DMD: variants seen among roughly 807,000 people sequenced by gnomAD.
DMD encodes the protein dystrophin, also known as mutant dystrophin.
In DMD, 63 loss-of-function variants were observed where a neutral mutation model predicts 330.1. That is an observed-to-expected ratio of 0.19 (90% CI 0.16 to 0.24). The LOEUF (loss-of-function observed/expected upper bound fraction) is 0.24, where lower values mean the gene tolerates loss of function less well. Among genes scored for constraint, DMD ranks in the 10% least tolerant of loss-of-function variants. The probability of loss-of-function intolerance (pLI) is 1.00; values close to 1 mark genes in which losing one functional copy is unlikely to be tolerated. For missense variants in DMD, 3,344 were observed against 2,684.1 expected (o/e 1.25, Z -5.43); for synonymous variants, 1,223 against 959.8 (o/e 1.27, Z -5.07).
chrX:32,776,645 G>A (rs763044805), intron 7 of DMD, among the ~76,000 whole-genome samples: 28 of 110,994 alleles, frequency 2.5e-4, no homozygotes, highest in African/African-American at 8.2e-4. Flanking sequence ...GGGGACAACC[G>A]CCTCCCTGAT....
At position 31,341,619 on chromosome X, in the gene DMD, G is replaced by A. The variant is rs139675124; in HGVS notation, c.9163+6937C>T. On this transcript the variant is annotated intron_variant, in intron 61 of 78. Transcript: ENST00000357033. ...GAATAATCGTTGGCAATAGCAGATA[G>A]ACTAGACAGTTATTGGCCTGGGCAT... is the stretch of plus-strand genomic sequence containing the variant. Among the ~76,000 whole-genome samples the A allele has an allele frequency of 2.2e-4, 24 of 111,423 alleles. 1 individual carries two copies. The East Asian group carries it at 6.8e-3, about 31-fold the overall frequency.
Position 31,178,662 on chromosome X carries a change from T to A in DMD, c.10223+7A>T. 2 of 1,204,174 alleles carry A rather than the reference T, an allele frequency of 1.7e-6. No homozygotes were observed. Among genetic ancestry groups the A allele is most frequent in the Non-Finnish European group, 2.2e-6 (2 of 889,305 alleles). ...CAAGAGTGTGTTCTGCTTTTGCTAC[T>A]ACTCACGTTTCCATGTTGTCCCCCT... On this transcript the variant is annotated splice_region_variant and intron_variant, in intron 70 of 78. Transcript: ENST00000357033.
At chrX:32,737,581 T>A (rs1363776420) in intron 7 of DMD, among the ~76,000 whole-genome samples, 2 of 111,558 alleles carry the variant, frequency 1.8e-5, no homozygotes, top group African/African-American at 6.5e-5. Flanking sequence ...TAGATAAAAC[T>A]GAATGATGCA....
intron 44 of DMD, among the ~76,000 whole-genome samples, chrX:32,199,780 T>TTGTGTGTGTGTGTGTGTGTG (rs35897988): frequency 3.0e-4 from 25 of 84,136 alleles, no homozygotes; most frequent in African/African-American, 8.0e-4. Flanking sequence ...CGCAAGGCTT[T>TTGTGTGTGTGTGTGTGTGTG]TGTGTGTGTG....
intron 47 of DMD, among the ~76,000 whole-genome samples, chrX:31,888,536 A>G (rs1300041004): frequency 3.6e-5 from 4 of 112,139 alleles, no homozygotes; most frequent in African/African-American, 1.3e-4. Context: ...TTTGGATAAA[A>G]TGCACGTAGT....
At chrX:32,430,426 C>G (rs1287039452) in intron 29 of DMD, among the ~76,000 whole-genome samples, 2 of 111,640 alleles carry the variant, frequency 1.8e-5, no homozygotes, top group Non-Finnish European at 1.9e-5. Flanking sequence ...TACAAGAAAG[C>G]TGTATATAAT....
intron 44 of DMD, among the ~76,000 whole-genome samples, chrX:32,054,916 C>T (rs1389364272): frequency 9.5e-6 from 1 of 105,298 alleles, no homozygotes; most frequent in African/African-American, 3.5e-5. Flanking sequence ...GATCAAAGGA[C>T]AAAGAAAATA....
At chrX:32,683,744 G>A (rs187368089) in intron 9 of DMD, among the ~76,000 whole-genome samples, 1 of 105,509 alleles carries the variant, frequency 9.5e-6, no homozygotes, top group Admixed American at 1.0e-4. Flanking sequence ...GTATACATAT[G>A]TAACTAACCT....
chrX:31,287,449 G>A (rs762100709), intron 62 of DMD, among the ~76,000 whole-genome samples: 24 of 112,416 alleles, frequency 2.1e-4, no homozygotes, highest in South Asian at 3.7e-4. Context: ...AAAGTAGCAC[G>A]CGTTAGCACA....
intron 11 of DMD, among the ~76,000 whole-genome samples, chrX:32,636,922 C>T (rs770192601): frequency 1.8e-5 from 2 of 109,476 alleles, no homozygotes; most frequent in Non-Finnish European, 3.8e-5. Flanking sequence ...GGCGTGAACC[C>T]GGGGGGCGGA....
chrX:32,075,676 A>G (rs1190949935), intron 44 of DMD, among the ~76,000 whole-genome samples: 5 of 110,878 alleles, frequency 4.5e-5, no homozygotes, highest in African/African-American at 1.6e-4. Flanking sequence ...AATGTTTTTG[A>G]GATTCTACAT....
intron 13 of DMD, among the ~76,000 whole-genome samples, chrX:32,592,318 C>A (rs778583352): frequency 9.0e-6 from 1 of 110,632 alleles, no homozygotes; most frequent in East Asian, 2.9e-4. Flanking sequence ...TAGAATGTAC[C>A]TCCTCCCTTC....
chrX:32,209,856 G>A (rs2097086832), intron 44 of DMD, among the ~76,000 whole-genome samples: 1 of 111,446 alleles, frequency 9.0e-6, no homozygotes, highest in South Asian at 3.8e-4. Context: ...CTGGACAACG[G>A]AAGTCTAATA....
chrX:32,906,761 G>C (rs757852649), intron 2 of DMD, among the ~76,000 whole-genome samples: 20 of 111,569 alleles, frequency 1.8e-4, no homozygotes, highest in Non-Finnish European at 3.6e-4. Flanking sequence ...CTACATGAGA[G>C]AGAGCAGTTA....
chrX:31,530,647 C>CTTTTTTTTTTTTTTTTT (rs1192286078), intron 55 of DMD, among the ~76,000 whole-genome samples: 4 of 49,812 alleles, frequency 8.0e-5, no homozygotes, highest in Admixed American at 2.6e-4. Flanking sequence ...ACTGGTTTCT[C>CTTTTTTTTTTTTTTTTT]TTTTTTTTTT....
chrX:33,060,235 AG>A lies in DMD; in HGVS notation c.32-40036del, dbSNP rs1449496650. Among the ~76,000 whole-genome samples, 15 of 111,097 alleles carry A rather than the reference AG, an allele frequency of 1.4e-4. No homozygotes were observed. In the Admixed American group the frequency reaches 1.4e-3, roughly 11 times the overall value. ...GGGGTCAGTGGATGGAAAATTATTA[AG>A]AGGAAGCATCATGGGTAAGGGAGAC... On this transcript the variant is annotated intron_variant, in intron 1 of 78. Coordinates refer to ENST00000357033, the MANE Select transcript of DMD (RefSeq NM_004006.3).
chrX:32,525,624 G>A (rs16998320), intron 17 of DMD, among the ~76,000 whole-genome samples: 2 of 110,806 alleles, frequency 1.8e-5, no homozygotes, highest in African/African-American at 6.6e-5. Context: ...GTGGTTTGTC[G>A]TGTAGTTTTC....
At chrX:31,322,934 G>A (rs781736930) in intron 62 of DMD, among the ~76,000 whole-genome samples, 7 of 111,465 alleles carry the variant, frequency 6.3e-5, no homozygotes, top group Non-Finnish European at 1.1e-4. Flanking sequence ...TGAAGGTATC[G>A]TAATCACTCA....
At chrX:32,392,017 T>G (rs905587070) in intron 30 of DMD, among the ~76,000 whole-genome samples, 10 of 111,587 alleles carry the variant, frequency 9.0e-5, no homozygotes, top group African/African-American at 3.3e-4. Flanking sequence ...TAAGAGAGAA[T>G]CATCAGAATC....
Sources: allele counts gnomAD v4.1 joint callset (sites outside exome capture counted in the v4.1 genomes callset), GRCh38; gene constraint gnomAD v4.1.1; transcripts MANE v1.5; gene names NCBI Gene and HGNC (gene_info 2026-07-23, HGNC 2026-07-21).